Variants in NRDC observed in about 807,000 individuals in gnomAD.
NRDC encodes nardilysin convertase, also known as nardilysin.
In NRDC, 54 loss-of-function variants were observed where a neutral mutation model predicts 147.1. That is an observed-to-expected ratio of 0.37 (90% CI 0.29 to 0.46). NRDC has a LOEUF of 0.46. Ranked by LOEUF, NRDC falls within the 20% of genes least tolerant of loss-of-function variation. The pLI, the probability that NRDC is intolerant of heterozygous loss-of-function variation, is 1.00. For synonymous variants in NRDC, 440 were observed against 482.1 expected (o/e 0.91, Z 1.14); for missense variants, 1,082 against 1,370.6 (o/e 0.79, Z 3.33).
rs567017850 is a variant in NRDC at position 51,857,123 on chromosome 1, C to T, written c.342-16609G>A. Among the ~76,000 whole-genome samples, 15 of 152,316 alleles carry T rather than the reference C, an allele frequency of 9.8e-5. No homozygotes were observed. In the East Asian group the frequency reaches 2.9e-3, roughly 29 times the overall value. On this transcript the variant is annotated intron_variant, in intron 1 of 30. Transcript: ENST00000352171. ...AATTAAGTCTAACCTAAAGCCACCT[C>T]CTTACATATTTTAAGTTTGGCCTAA...
At chr1:51,811,421 G>A (rs1449073668) in intron 15 of NRDC, among the ~76,000 whole-genome samples, 2 of 152,082 alleles carry the variant, frequency 1.3e-5, no homozygotes, top group East Asian at 1.9e-4. Context: ...AAATGTCTCC[G>A]GACAGTGATA....
chr1:51,869,888 C>T (rs542802735), intron 1 of NRDC, among the ~76,000 whole-genome samples: 1 of 152,248 alleles, frequency 6.6e-6, no homozygotes, highest in South Asian at 2.1e-4. Context: ...AAATCAATTG[C>T]TTTAAAACTG....
At chr1:51,828,815 T>A in intron 4 of NRDC, among the ~76,000 whole-genome samples, 1 of 149,920 alleles carries the variant, frequency 6.7e-6, no homozygotes, top group South Asian at 2.1e-4. Flanking sequence ...AACTGCCGGG[T>A]TCAAGCAATC....
rs562374965 is a variant in NRDC, at chr1:51,853,169, A to T, written c.342-12655T>A. Among the ~76,000 whole-genome samples, 3 of 152,002 alleles carry T rather than the reference A, an allele frequency of 2.0e-5. No individual in the cohort carries two copies. In the East Asian group the frequency reaches 5.8e-4, roughly 29 times the overall value. The stretch of plus-strand genomic sequence containing the variant: ...AACCTGGGAGGCGGAGGTTGCAGTG[A>T]GCCAAGACATGGCACTCCAGCCTGG... On this transcript the variant is annotated intron_variant, in intron 1 of 30. Transcript: ENST00000352171.
chr1:51,791,564 A>G lies in NRDC; in HGVS notation c.2960+14T>C. ...CATAATAGGTTACACTCATCTATTC[A>G]CTCACTCACTCACTTGTATTTGGTT... On this transcript the variant is annotated intron_variant, in intron 27 of 30. Transcript: ENST00000352171. 1 of 1,579,496 alleles carries G rather than the reference A, an allele frequency of 6.3e-7. No individual in the cohort carries two copies. Among genetic ancestry groups the G allele is most frequent in the Non-Finnish European group, 8.7e-7 (1 of 1,148,622 alleles).
At chr1:51,791,682 TTA>T in intron 26 of NRDC, 21 bp from the exon 27 acceptor site, 1 of 1,579,646 alleles carries the variant, frequency 6.3e-7, no homozygotes, top group Non-Finnish European at 8.7e-7. Flanking sequence ...GAGAGAAAAG[TTA>T]TATGAGCTCA....
chr1:51,855,738 T>C (rs1156393766), intron 1 of NRDC, among the ~76,000 whole-genome samples: 1 of 152,064 alleles, frequency 6.6e-6, no homozygotes, highest in Non-Finnish European at 1.5e-5. Flanking sequence ...CTAGGTATGG[T>C]GACGCACCCC....
At chr1:51,876,606 G>A (rs1180409958) in intron 1 of NRDC, among the ~76,000 whole-genome samples, 1 of 152,074 alleles carries the variant, frequency 6.6e-6, no homozygotes, top group Non-Finnish European at 1.5e-5. Context: ...TTTGGATTAG[G>A]GATACTCAAC....
At chr1:51,808,881 T>C (rs375028518) in intron 17 of NRDC, among the ~76,000 whole-genome samples, 1 of 152,222 alleles carries the variant, frequency 6.6e-6, no homozygotes, top group Admixed American at 6.5e-5. Flanking sequence ...TTCTAACTGA[T>C]TTTTTAATGC....
chr1:51,874,541 C>T (rs755358658), intron 1 of NRDC, among the ~76,000 whole-genome samples: 5 of 151,514 alleles, frequency 3.3e-5, no homozygotes, highest in Non-Finnish European at 5.9e-5. Flanking sequence ...CCTGGGAGGT[C>T]GAGGCTGCAG....
At chr1:51,826,687 G>A (rs1233600605) in intron 5 of NRDC, among the ~76,000 whole-genome samples, 1 of 152,184 alleles carries the variant, frequency 6.6e-6, no homozygotes, top group Non-Finnish European at 1.5e-5. Context: ...GCCGAAGCAG[G>A]CAGATCATGA....
chr1:51,834,117 G>A lies in NRDC; in HGVS notation c.766C>T (p.Leu256=). The change falls in exon 4 of 31, where the codon CTG becomes TTG. Residue 256 remains leucine, a synonymous_variant. Transcript: ENST00000352171. ...TTATCACTACCCCCATGCTTCTTCA[G>A]GAAGGCATCAAATCCATTCTCATCT... ...YPDENGFDAF[L]KKHGGSDNAS... 3 of 1,614,018 alleles carry A rather than the reference G, an allele frequency of 1.9e-6. No individual in the cohort carries two copies. Among genetic ancestry groups the A allele is most frequent in the Non-Finnish European group, 2.5e-6 (3 of 1,179,994 alleles).
In NRDC at chr1:51,790,690, T is replaced by C. The variant is rs547139580; in HGVS notation, c.3052-41A>G. The C allele has an allele frequency of 1.2e-4, 168 of 1,384,354 alleles. 3 individuals carry two copies. In the South Asian group the frequency reaches 1.9e-3, roughly 15 times the overall value. 85.8% of individuals were successfully genotyped at this position (1,384,354 alleles called of 1,614,324 possible). ...AGAAAGATGCTCAGGTGAGGCAACA[T>C]ACCACTTCCCACAGAACACACTGGG... is the stretch of plus-strand genomic sequence containing the variant. On this transcript the variant is annotated intron_variant, in intron 28 of 30. Transcript: ENST00000352171.
intron 1 of NRDC, among the ~76,000 whole-genome samples, chr1:51,871,515 TA>T (rs60495773): frequency 0.12 from 2,436 of 20,982 alleles, 56 homozygotes; most frequent in Non-Finnish European, 0.15. Flanking sequence ...ACTGGTTCAT[TA>T]AAAAAAAAAA....
intron 1 of NRDC, among the ~76,000 whole-genome samples, chr1:51,847,307 C>A (rs1055208134): frequency 6.6e-6 from 1 of 152,276 alleles, no homozygotes; most frequent in African/African-American, 2.4e-5. Flanking sequence ...AGGATCCCAG[C>A]TGGCTTCACC....
chr1:51,862,459 A>C (rs1682591240), intron 1 of NRDC: 1 of 152,548 alleles, frequency 6.6e-6, no homozygotes, highest in African/African-American at 2.4e-5. Flanking sequence ...GTGGTGGCTC[A>C]TGCTTGTAAT....
chr1:51,848,204 G>T (rs926252135), intron 1 of NRDC, among the ~76,000 whole-genome samples: 2 of 152,196 alleles, frequency 1.3e-5, no homozygotes, highest in African/African-American at 4.8e-5. Flanking sequence ...GGTGGGGCGC[G>T]GTGGCCCACG....
At chr1:51,826,345 T>C (rs1306235237) in intron 5 of NRDC, among the ~76,000 whole-genome samples, 1 of 152,168 alleles carries the variant, frequency 6.6e-6, no homozygotes, top group Non-Finnish European at 1.5e-5. Context: ...AGCAGACATG[T>C]AAACATATCT....
chr1:51,816,302 G>A lies in NRDC; in HGVS notation c.1439+10C>T, dbSNP rs1571863124. ...GCTATACTGAAAATACTTATTAATT[G>A]AATACTTGCTTTTTCCTAAGGAAAG... On this transcript the variant is annotated intron_variant, in intron 11 of 30. Transcript: ENST00000352171. 6.4e-7 allele frequency: 1 copy of A among 1,562,244 alleles called. No individual in the cohort carries two copies. Among genetic ancestry groups the A allele is most frequent in the Non-Finnish European group, 8.7e-7 (1 of 1,146,898 alleles).
Sources: gnomAD v4.1 joint callset for allele counts (sites outside exome capture counted in the v4.1 genomes callset) on GRCh38, gnomAD v4.1.1 for gene constraint, MANE v1.5 for transcripts, NCBI Gene and HGNC (gene_info 2026-07-23, HGNC 2026-07-21) for gene names.